The following DSG1 variants were observed in gnomAD, a reference collection of about 807,000 sequenced individuals.
DSG1 encodes the protein desmoglein 1, also known as desmoglein-1.
DSG1 carries 39 observed loss-of-function variants against 97.5 expected under a neutral mutation model. That is an observed-to-expected ratio of 0.40 (90% confidence interval 0.31 to 0.52). The LOEUF (loss-of-function observed/expected upper bound fraction) is 0.52, where lower values mean the gene tolerates loss of function less well. Ranked by LOEUF, DSG1 falls within the 20% of genes least tolerant of loss-of-function variation. The pLI is 0.53. For missense variants in DSG1, 1,311 were observed against 1,295.4 expected (o/e 1.01, Z -0.18); for synonymous variants, 475 against 443.4 (o/e 1.07, Z -0.90).
chr18:31,325,005 G>A (rs2071677004), intron 1 of DSG1, among the ~76,000 whole-genome samples: 1 of 152,146 alleles, frequency 6.6e-6, no homozygotes, highest in Admixed American at 6.5e-5. Flanking sequence ...TCAGAGAATT[G>A]GGGAAATACG....
chr18:31,320,076 A>G (rs553589725), intron 1 of DSG1, among the ~76,000 whole-genome samples: 40 of 152,244 alleles, frequency 2.6e-4, no homozygotes, highest in African/African-American at 9.6e-4. Context: ...GTTTTTTTGG[A>G]AAACATTTCA....
Position 31,355,836 on chromosome 18 carries a change from T to A in DSG1, c.*490T>A, listed in dbSNP as rs1036970625. 6.2e-6 allele frequency: 1 copy of A among 161,456 alleles called. No homozygotes were observed. The highest frequency in any genetic ancestry group is 2.4e-5 in the African/African-American group (1 of 41,592). The allele number at this position is 161,456 out of a possible 1,614,324, so 10.0% of individuals were successfully genotyped here. A position where few individuals can be genotyped will look rare whatever the true frequency, so the allele number is the denominator to read the frequency against. ...TTATACAAGGGTTAACCATTTTTTTTAAGTTTGACTACATAGTCAAGTCCA... is the reference window on the plus strand; with the variant it reads ...TTATACAAGGGTTAACCATTTTTTTAAAGTTTGACTACATAGTCAAGTCCA... On this transcript the variant is annotated 3_prime_UTR_variant, in exon 15 of 15. Coordinates refer to ENST00000257192, the MANE Select transcript of DSG1 (RefSeq NM_001942.4).
chr18:31,335,379 CT>C (rs2071745456), intron 8 of DSG1, among the ~76,000 whole-genome samples: 1 of 152,104 alleles, frequency 6.6e-6, no homozygotes, highest in African/African-American at 2.4e-5. Context: ...GGAGTCTAAT[CT>C]ATTTTGCCCC....
Position 31,334,045 on chromosome 18 carries a change from T to C in DSG1, c.848T>C (p.Leu283Pro). The C allele has an allele frequency of 6.2e-7, 1 of 1,610,074 alleles. No individual in the cohort carries two copies. The highest frequency in any genetic ancestry group is 8.5e-7 in the Non-Finnish European group (1 of 1,176,652). Residue 283 changes from leucine to proline, a missense_variant, in exon 8 of 15, where the codon CTA becomes CCA. This residue lies in a region of DSG1 where 1,038 missense variants were observed against 964.6 expected (regional missense o/e 1.08). Coordinates refer to ENST00000257192, the MANE Select transcript of DSG1 (RefSeq NM_001942.4). The stretch of plus-strand genomic sequence containing the variant: ...ACCATAGAAATTCAAGAAAATACTC[T>C]AAATTCAAATTTGCTCGAGATTAGA... ...SYTIEIQENT[L>P]NSNLLEIRVI... is the part of the protein sequence containing the mutation.
At chr18:31,344,376 T>C (rs1381638215) in intron 13 of DSG1, among the ~76,000 whole-genome samples, 2 of 152,150 alleles carry the variant, frequency 1.3e-5, no homozygotes, top group African/African-American at 4.8e-5. Flanking sequence ...AAAATTAAAG[T>C]ACAACCCAAC....
chr18:31,327,132 A>AT, intron 3 of DSG1, 127 bp downstream of exon 3: 1 of 1,260,374 alleles, frequency 7.9e-7, no homozygotes, highest in Non-Finnish European at 1.1e-6. Flanking sequence ...AACTATAGTC[A>AT]CCTAGATGAT....
chr18:31,352,741 C>G, intron 14 of DSG1, among the ~76,000 whole-genome samples: 1 of 149,642 alleles, frequency 6.7e-6, no homozygotes, highest in Non-Finnish European at 1.5e-5. Context: ...TGCTGATACC[C>G]TTTCTTCCGG....
rs1411681739 is a variant in DSG1, at chr18:31,357,877, A to G, written c.*2531A>G. On this transcript the variant is annotated 3_prime_UTR_variant, in exon 15 of 15. Coordinates refer to ENST00000257192, the MANE Select transcript of DSG1 (RefSeq NM_001942.4). ...TTTTTTCTTCCAGGATTGCACACTG[A>G]TTTTCCATTTAGTCCTAAATTTTAA... Among the ~76,000 whole-genome samples, 2 of 151,956 alleles carry G rather than the reference A, an allele frequency of 1.3e-5. No individual in the cohort carries two copies. The highest frequency in any genetic ancestry group is 4.8e-5 in the African/African-American group (2 of 41,440).
chr18:31,318,217 C>T lies in DSG1; in HGVS notation c.-84C>T. The T allele has an allele frequency of 1.7e-6, 2 of 1,179,072 alleles. No homozygotes were observed. The highest frequency in any genetic ancestry group is 3.8e-4 in the Middle Eastern group (2 of 5,214). The allele number at this position is 1,179,072 out of a possible 1,614,324, so 73.0% of individuals were successfully genotyped here. On this transcript the variant is annotated 5_prime_UTR_variant, in exon 1 of 15. Transcript: ENST00000257192. ...CTACTGAGAAATTATTTTAATCAGACACCAGCTGAGTGGGAGAAAGAAAAA... is the reference window on the plus strand; with the variant it reads ...CTACTGAGAAATTATTTTAATCAGATACCAGCTGAGTGGGAGAAAGAAAAA...
At chr18:31,331,593 C>T in intron 5 of DSG1, 108 bp from the exon 6 acceptor site, 1 of 961,320 alleles carries the variant, frequency 1.0e-6, no homozygotes, top group Non-Finnish European at 1.6e-6. Context: ...CAGTGAAGTC[C>T]ACATCATAAG....
chr18:31,333,230 T>G (rs1304594134), intron 6 of DSG1, among the ~76,000 whole-genome samples: 1 of 152,158 alleles, frequency 6.6e-6, no homozygotes, highest in Non-Finnish European at 1.5e-5. Context: ...TCTTGCACAC[T>G]CGGGGGCTGA....
At chr18:31,333,507 C>T in intron 6 of DSG1, 82 bp from the exon 7 acceptor site, 1 of 1,585,546 alleles carries the variant, frequency 6.3e-7, no homozygotes. Context: ...AACGTTGAGC[C>T]AACTTTTCAA....
At chr18:31,349,374 T>C (rs1267345293) in intron 14 of DSG1, among the ~76,000 whole-genome samples, 1 of 150,380 alleles carries the variant, frequency 6.6e-6, no homozygotes, top group African/African-American at 2.5e-5. Flanking sequence ...TGTAGCCTTA[T>C]AGTATAGTTT....
chr18:31,352,653 G>T (rs1378046654), intron 14 of DSG1, among the ~76,000 whole-genome samples: 7 of 148,416 alleles, frequency 4.7e-5, no homozygotes, highest in Non-Finnish European at 1.0e-4. Flanking sequence ...ATATTTCTTG[G>T]AGGCTTTGCT....
At chr18:31,321,381 T>C (rs571926243) in intron 1 of DSG1, among the ~76,000 whole-genome samples, 63 of 152,234 alleles carry the variant, frequency 4.1e-4, no homozygotes, top group African/African-American at 1.4e-3. Context: ...GAGAGCTCTT[T>C]GTGCTTTCTT....
At position 31,356,182 on chromosome 18, in the gene DSG1, C is replaced by T. The variant is rs2071956626; in HGVS notation, c.*836C>T. The T allele has an allele frequency of 6.6e-6, 1 of 152,016 alleles. No individual in the cohort carries two copies. Among genetic ancestry groups the T allele is most frequent in the Non-Finnish European group, 1.5e-5 (1 of 67,956 alleles). The allele number at this position is 152,016 out of a possible 1,614,324, so 9.4% of individuals were successfully genotyped here. ...TTTTGACTTAAGAAAGCAAAACTCA[C>T]TAAGTTTACTTCTCGAATTGAAGCA... On this transcript the variant is annotated 3_prime_UTR_variant, in exon 15 of 15. Coordinates refer to ENST00000257192, the MANE Select transcript of DSG1 (RefSeq NM_001942.4).
chr18:31,330,544 T>C (rs950778291), intron 5 of DSG1, among the ~76,000 whole-genome samples: 3 of 152,176 alleles, frequency 2.0e-5, no homozygotes, highest in Non-Finnish European at 2.9e-5. Flanking sequence ...TAAAATACTG[T>C]ACCTATACTT....
intron 10 of DSG1, among the ~76,000 whole-genome samples, chr18:31,338,714 T>C (rs2071770371): frequency 1.3e-5 from 2 of 152,214 alleles, no homozygotes; most frequent in Non-Finnish European, 2.9e-5. Flanking sequence ...TTAATCCATC[T>C]ATAGCTGTTG....
In DSG1 at chr18:31,326,633, C is replaced by T. The variant is rs1385491391; in HGVS notation, c.84+17C>T. On this transcript the variant is annotated intron_variant, in intron 2 of 14. Coordinates refer to ENST00000257192, the MANE Select transcript of DSG1 (RefSeq NM_001942.4). ...CGAATCCAGGTAATATATAACAAAT[C>T]CATTTTTCCAAATTTTTAAACAAGA... 4 of 1,589,482 alleles carry T rather than the reference C, an allele frequency of 2.5e-6. No homozygotes were observed. Among genetic ancestry groups the T allele is most frequent in the Non-Finnish European group, 3.5e-6 (4 of 1,159,010 alleles).
Sources: allele counts gnomAD v4.1 joint callset (sites outside exome capture counted in the v4.1 genomes callset), GRCh38; gene constraint gnomAD v4.1.1; regional missense constraint gnomAD v4.1.1; transcripts MANE v1.5; gene names NCBI Gene and HGNC (gene_info 2026-07-23, HGNC 2026-07-21).